The following MACF1 variants were observed in gnomAD, a reference collection of about 807,000 sequenced individuals.
MACF1 encodes microtubule-actin cross-linking factor 1.
MACF1 carries 193 observed loss-of-function variants against 854.8 expected under a neutral mutation model. The observed-to-expected ratio is 0.23, with a 90% CI of 0.20 to 0.25. MACF1 has a LOEUF of 0.25. Ranked by LOEUF, MACF1 falls within the 10% of genes least tolerant of loss-of-function variation. The pLI is 1.00. For synonymous variants in MACF1, 3,185 were observed against 3,226.7 expected (o/e 0.99, Z 0.44); for missense variants, 7,722 against 8,929.1 (o/e 0.86, Z 5.45).
rs574842807 is a variant in MACF1, at chr1:39,278,189, G to T, written c.529-4019G>T. Among the ~76,000 whole-genome samples, 227 of 152,286 alleles carry T rather than the reference G, an allele frequency of 1.5e-3. 1 individual carries two copies. Among genetic ancestry groups the T allele is most frequent in the Non-Finnish European group, 2.1e-3 (143 of 68,024 alleles). On this transcript the variant is annotated intron_variant, in intron 6 of 100. Coordinates refer to ENST00000564288, the MANE Select transcript of MACF1 (RefSeq NM_001394062.1). ...GGATTTCTGCATTTGGGAGATTAAG[G>T]TAAAAGCTTCTGCATAGCCCAGAGC... is the stretch of plus-strand genomic sequence containing the variant.
intron 4 of MACF1, among the ~76,000 whole-genome samples, chr1:39,252,985 G>A (rs1645058404): frequency 6.6e-6 from 1 of 152,164 alleles, no homozygotes; most frequent in Non-Finnish European, 1.5e-5. Context: ...CCGCAACAGA[G>A]CTACCTTATA....
At chr1:39,133,528 A>C (rs1643068273) in intron 2 of MACF1, among the ~76,000 whole-genome samples, 1 of 151,170 alleles carries the variant, frequency 6.6e-6, no homozygotes, top group African/African-American at 2.4e-5. Flanking sequence ...CCTCCTCCTC[A>C]TCCTTTCTCC....
At chr1:39,133,556 C>T (rs1331661163) in intron 2 of MACF1, among the ~76,000 whole-genome samples, 1 of 152,068 alleles carries the variant, frequency 6.6e-6, no homozygotes, top group Non-Finnish European at 1.5e-5. Context: ...CCTCCTCCTT[C>T]TTCCTGTCTG....
intron 58 of MACF1, chr1:39,412,587 A>C: frequency 1.2e-6 from 2 of 1,614,072 alleles, no homozygotes; most frequent in South Asian, 1.1e-5. Flanking sequence ...GACTTAATCC[A>C]GATGGAGTGG....
upstream of MACF1, among the ~76,000 whole-genome samples, chr1:39,202,166 C>G (rs1424098130): frequency 6.7e-6 from 1 of 148,800 alleles, no homozygotes; most frequent in East Asian, 2.0e-4. Flanking sequence ...TGGGGTTTCA[C>G]GGTGTTAGCC....
At chr1:39,202,167 G>A (rs1464784997), upstream of MACF1, among the ~76,000 whole-genome samples, 2 of 146,988 alleles carry the variant, frequency 1.4e-5, no homozygotes, top group African/African-American at 5.0e-5. Flanking sequence ...GGGGTTTCAC[G>A]GTGTTAGCCA....
At chr1:39,261,819 C>T (rs773416299) in intron 6 of MACF1, among the ~76,000 whole-genome samples, 1 of 151,996 alleles carries the variant, frequency 6.6e-6, no homozygotes, top group African/African-American at 2.4e-5. Flanking sequence ...ATGTATATAC[C>T]TAGGAATGGG....
chr1:39,354,255 C>T (rs547425828), intron 44 of MACF1, among the ~76,000 whole-genome samples: 3 of 152,056 alleles, frequency 2.0e-5, no homozygotes, highest in Non-Finnish European at 4.4e-5. Context: ...CATAAAGTAA[C>T]GGAGGGGGCC....
intron 2 of MACF1, among the ~76,000 whole-genome samples, chr1:39,115,120 CT>C (rs553410886): frequency 2.9e-3 from 437 of 152,198 alleles, no homozygotes; most frequent in Non-Finnish European, 4.5e-3. Context: ...ATCCTAAAGG[CT>C]TTTGGGAGCC....
At position 39,107,464 on chromosome 1, in the gene MACF1, T is replaced by G. The variant is rs900982389; in HGVS notation, c.220+23026T>G. ...ATGAGTTAAAAATGGTTGCCCAAAG[T>G]AAATTACCTCGAGTTGTATACGGTG... On this transcript the variant is annotated intron_variant, in intron 2 of 93. Coordinates refer to the MACF1 transcript ENST00000361689. Among the ~76,000 whole-genome samples, 15 of 151,662 alleles carry G rather than the reference T, an allele frequency of 9.9e-5. 1 individual carries two copies. Among genetic ancestry groups the G allele is most frequent in the African/African-American group, 3.7e-4 (15 of 41,046 alleles).
At chr1:39,485,307 G>A (rs906355791) in intron 100 of MACF1, 2 of 532,244 alleles carry the variant, frequency 3.8e-6, no homozygotes, top group Admixed American at 7.1e-5. Flanking sequence ...CATGGAAGGT[G>A]ACAGTGCTGC....
chr1:39,373,763 G>C (rs1649463751), intron 52 of MACF1, among the ~76,000 whole-genome samples: 1 of 151,346 alleles, frequency 6.6e-6, no homozygotes, highest in Non-Finnish European at 1.5e-5. Context: ...TGAGGCAAGA[G>C]AATGGCTTGA....
At chr1:39,344,315 T>C (rs7528276) in intron 40 of MACF1, among the ~76,000 whole-genome samples, 141,593 of 151,210 alleles carry the variant, frequency 0.94, 66,504 homozygotes, top group Non-Finnish European at 0.97. Flanking sequence ...ACCTGTAATC[T>C]CAGTTACTTG....
rs149243531 is a variant in MACF1 at position 39,380,922 on chromosome 1, G to C, written c.13648+549G>C. Among the ~76,000 whole-genome samples, 4 of 151,700 alleles carry C rather than the reference G, an allele frequency of 2.6e-5. No homozygotes were observed. The South Asian group carries it at 8.3e-4, about 32-fold the overall frequency. On this transcript the variant is annotated intron_variant, in intron 55 of 100. Transcript: ENST00000564288. ...GAGGGACCTTGTCTCCAAAAAAAACGTAACAAAAGAACTAAAGAGAGTATT... is the reference window on the plus strand; with the variant it reads ...GAGGGACCTTGTCTCCAAAAAAAACCTAACAAAAGAACTAAAGAGAGTATT...
chr1:39,379,144 A>C (rs2148553064), intron 53 of MACF1, 59 bp from the exon 54 acceptor site: 1 of 1,484,856 alleles, frequency 6.7e-7, no homozygotes, highest in East Asian at 2.3e-5. Flanking sequence ...AGGAGTGAGG[A>C]GTCAAGGAGC....
At position 39,112,532 on chromosome 1, in the gene MACF1, G is replaced by C. The variant is rs533374362; in HGVS notation, c.220+28094G>C. ...GTCTCTACTAAAAATACAAAAATTA[G>C]TCAGGCATGGTGGTGCAATCCCGTG... On this transcript the variant is annotated intron_variant, in intron 2 of 93. Coordinates refer to the MACF1 transcript ENST00000361689. 2.0e-4 allele frequency among the ~76,000 whole-genome samples: 30 copies of C among 152,244 alleles called. 1 individual carries two copies. The South Asian group carries it at 5.0e-3, about 25-fold the overall frequency.
At chr1:39,365,138 A>G (rs1648581719) in intron 49 of MACF1, among the ~76,000 whole-genome samples, 1 of 151,888 alleles carries the variant, frequency 6.6e-6, no homozygotes, top group Non-Finnish European at 1.5e-5. Flanking sequence ...GTGCAGTGGC[A>G]CGATCTCAGC....
intron 58 of MACF1, 69 bp from the exon 59 acceptor site, chr1:39,422,305 C>CA: frequency 8.3e-7 from 1 of 1,209,200 alleles, no homozygotes; most frequent in Non-Finnish European, 1.2e-6. Flanking sequence ...CAAGAATAAC[C>CA]AGTCTCTGCG....
chr1:39,279,153 G>A (rs1645495700), intron 6 of MACF1, among the ~76,000 whole-genome samples: 1 of 152,122 alleles, frequency 6.6e-6, no homozygotes, highest in African/African-American at 2.4e-5. Context: ...AAGTAGAATA[G>A]TCTGATTTCT....
Sources: gnomAD v4.1 joint callset for allele counts (sites outside exome capture counted in the v4.1 genomes callset) on GRCh38, gnomAD v4.1.1 for gene constraint, MANE v1.5 for transcripts, NCBI Gene and HGNC (gene_info 2026-07-23, HGNC 2026-07-21) for gene names.